Variants in HKDC1 observed in about 807,000 individuals in gnomAD.
HKDC1 encodes hexokinase domain containing 1.
In HKDC1, 66 loss-of-function variants were observed where a neutral mutation model predicts 96.6. That is an observed-to-expected ratio of 0.68 (90% CI 0.56 to 0.84). The LOEUF is 0.84. Ranked by LOEUF, HKDC1 falls within the 40% of genes least tolerant of loss-of-function variation. HKDC1 has a pLI of 0.00. For missense variants in HKDC1, 1,211 were observed against 1,208.1 expected, an observed-to-expected ratio of 1.00 and a Z score of -0.04; for synonymous variants, 466 against 473.1, an observed-to-expected ratio of 0.98 and a Z score of 0.20.
chr10:69,220,638 A>C, intron 1 of HKDC1, 140 bp downstream of exon 1: 1 of 548,770 alleles, frequency 1.8e-6, no homozygotes, highest in Non-Finnish European at 3.1e-6. Flanking sequence ...TAAAAGACTC[A>C]CTGAGGGAAG....
chr10:69,239,174 CCCTAG>C, intron 5 of HKDC1, 37 bp downstream of exon 5: 1 of 1,508,404 alleles, frequency 6.6e-7, no homozygotes, highest in Non-Finnish European at 9.2e-7. Flanking sequence ...GCTCTCCCAG[CCCTAG>C]CTCCTTTCTC....
At chr10:69,253,650 G>A (rs1203012732) in intron 12 of HKDC1, among the ~76,000 whole-genome samples, 2 of 152,200 alleles carry the variant, frequency 1.3e-5, no homozygotes, top group African/African-American at 4.8e-5. Context: ...CTAGCACCTG[G>A]CAGGCACTCA....
At position 69,248,598 on chromosome 10, in the gene HKDC1, C is replaced by A; in HGVS notation, c.1440C>A (p.Thr480=). Residue 480 remains threonine (T), a synonymous_variant, in exon 10 of 18, where the codon ACC becomes ACA. Coordinates refer to ENST00000354624, the MANE Select transcript of HKDC1 (RefSeq NM_025130.4). ...IDRVLALFQL[T]REQLVDVQAK... is the part of the protein sequence containing the mutation. ...GGGTGCTGGCTTTGTTCCAGCTGAC[C>A]CGAGAGCAGCTCGTGGACGTGCAGG... 6.2e-7 allele frequency: 1 copy of A among 1,614,132 alleles called. No individual in the cohort carries two copies. The highest frequency in any genetic ancestry group is 8.5e-7 in the Non-Finnish European group (1 of 1,180,026).
At chr10:69,228,034 G>GGC (rs1349491368) in intron 2 of HKDC1, among the ~76,000 whole-genome samples, 1 of 152,160 alleles carries the variant, frequency 6.6e-6, no homozygotes, top group Non-Finnish European at 1.5e-5. Flanking sequence ...CAATCACAGT[G>GGC]GCTGAAAACA....
intron 2 of HKDC1, among the ~76,000 whole-genome samples, chr10:69,232,152 C>T (rs1046562429): frequency 6.6e-6 from 1 of 152,192 alleles, no homozygotes; most frequent in African/African-American, 2.4e-5. Flanking sequence ...CCCCACCTTT[C>T]AATTAATGGC....
chr10:69,231,569 C>T (rs538965704), intron 2 of HKDC1, among the ~76,000 whole-genome samples: 25 of 152,312 alleles, frequency 1.6e-4, no homozygotes, highest in Admixed American at 4.6e-4. Context: ...AAGCCAGCTG[C>T]CTTTGTCTCC....
rs199510923 is a variant in HKDC1 at position 69,250,396 on chromosome 10, C to T, written c.1677C>T (p.Phe559=). The change falls in exon 11 of 18, where the codon TTC becomes TTT. Residue 559 remains phenylalanine, a synonymous_variant. Coordinates refer to ENST00000354624, the MANE Select transcript of HKDC1 (RefSeq NM_025130.4). ...RRSVRMYNKI[F]AIPLEIMQGT... is the part of the protein sequence containing the mutation. ...CAGTGCGAATGTACAACAAGATCTT[C>T]GCCATCCCCCTGGAGATCATGCAGG... 51 of 1,614,056 alleles carry T rather than the reference C, an allele frequency of 3.2e-5. No homozygotes were observed. The highest frequency in any genetic ancestry group is 5.5e-5 in the South Asian group (5 of 91,090).
chr10:69,266,478 A>AAAT, intron 17 of HKDC1, 132 bp from the exon 18 acceptor site: 1 of 942,794 alleles, frequency 1.1e-6, no homozygotes, highest in Non-Finnish European at 1.5e-6. Flanking sequence ...AAAAAAAAAA[A>AAAT]TTAGAAGAAG....
In HKDC1 at chr10:69,261,167, T is replaced by C. The variant is rs1421960552; in HGVS notation, c.2245T>C (p.Leu749=). The C allele has an allele frequency of 3.1e-6, 5 of 1,614,068 alleles. No individual in the cohort carries two copies. The African/African-American group carries it at 5.3e-5, about 17-fold the overall frequency. ...RYEKMTSGMY[L]GEIVRQILID... ...CGAGAAAATGACCAGTGGGATGTAC[T>C]TGGGGGAGATTGTGCGGCAGATCCT... Residue 749 remains leucine (L), a synonymous_variant, in exon 16 of 18, where the codon TTG becomes CTG. Coordinates refer to ENST00000354624, the MANE Select transcript of HKDC1 (RefSeq NM_025130.4).
intron 7 of HKDC1, among the ~76,000 whole-genome samples, chr10:69,245,106 A>G (rs1843520270): frequency 2.0e-5 from 3 of 151,980 alleles, no homozygotes; most frequent in Non-Finnish European, 4.4e-5. Flanking sequence ...GTTTCACCAT[A>G]TTGGCCAGGC....
At chr10:69,226,814 T>G (rs1260405748) in intron 1 of HKDC1, among the ~76,000 whole-genome samples, 1 of 152,174 alleles carries the variant, frequency 6.6e-6, no homozygotes, top group African/African-American at 2.4e-5. Flanking sequence ...TGTTTAGAAA[T>G]CTACGATTCA....
Position 69,266,776 on chromosome 10 carries a change from C to A in HKDC1, c.*19C>A. ...GAACTAGGAACCCCTGGGATTGGAC[C>A]TGATGCATCTTGGATACTGAACAGC... On this transcript the variant is annotated 3_prime_UTR_variant, in exon 18 of 18. Coordinates refer to ENST00000354624, the MANE Select transcript of HKDC1 (RefSeq NM_025130.4). 1 of 1,608,470 alleles carries A rather than the reference C, an allele frequency of 6.2e-7. No individual in the cohort carries two copies. Among genetic ancestry groups the A allele is most frequent in the Non-Finnish European group, 8.5e-7 (1 of 1,177,842 alleles).
Position 69,246,108 on chromosome 10 carries a change from TG to T in HKDC1, c.910del (p.Glu304SerfsTer8). On this transcript the variant is annotated frameshift_variant, in exon 8 of 18. Transcript: ENST00000354624. LOFTEE classifies it high-confidence loss of function. ...GAGAAGATGATCAGTGGCCTGTACCTGGGGGAGCTTGTCAGGCTTATCTTGC... is the reference window on the plus strand; with the variant it reads ...GAGAAGATGATCAGTGGCCTGTACCTGGGGAGCTTGTCAGGCTTATCTTGC... ...LFEKMISGLY[L>X]GELVRLILLK... 6.2e-7 allele frequency: 1 copy of T among 1,614,208 alleles called. No individual in the cohort carries two copies. Among genetic ancestry groups the T allele is most frequent in the Non-Finnish European group, 8.5e-7 (1 of 1,180,032 alleles).
In HKDC1 at chr10:69,232,771, G is replaced by C; in HGVS notation, c.234G>C (p.Gly78=). Residue 78 remains glycine, a synonymous_variant, in exon 3 of 18, where the codon GGG becomes GGC. Coordinates refer to ENST00000354624, the MANE Select transcript of HKDC1 (RefSeq NM_025130.4). ...GAATTTGTTTCTTAATAGAAAATGG[G>C]GAGTTCCTTTCCCTGGATCTCGGAG... ...VRAIPDGSEN[G]EFLSLDLGGS... The C allele has an allele frequency of 6.2e-7, 1 of 1,613,994 alleles. No homozygotes were observed.
In HKDC1 at chr10:69,227,220, T is replaced by C; in HGVS notation, c.77T>C (p.Leu26Pro). Residue 26 changes from leucine (L) to proline (P), a missense_variant, in exon 2 of 18, where the codon CTG becomes CCG. Transcript: ENST00000354624. Reference protein sequence around the residue: ...EDQIKKVDRFLYHMRLSDDTL... With the variant: ...EDQIKKVDRFPYHMRLSDDTL... Reference sequence around the variant, plus strand: ...TGTCTGTTCCAGGTGGACAGGTTCCTGTATCACATGCGGCTCTCCGATGAC... The same window carrying C: ...TGTCTGTTCCAGGTGGACAGGTTCCCGTATCACATGCGGCTCTCCGATGAC... 1 of 1,614,182 alleles carries C rather than the reference T, an allele frequency of 6.2e-7. No individual in the cohort carries two copies. The highest frequency in any genetic ancestry group is 1.1e-5 in the South Asian group (1 of 91,090).
At chr10:69,248,214 G>A (rs1843573564) in intron 9 of HKDC1, among the ~76,000 whole-genome samples, 1 of 87,500 alleles carries the variant, frequency 1.1e-5, no homozygotes, top group African/African-American at 4.7e-5. Context: ...GACAGAATAA[G>A]CACTTCCCCG....
chr10:69,263,915 C>T (rs895713294), intron 16 of HKDC1, among the ~76,000 whole-genome samples: 1 of 152,192 alleles, frequency 6.6e-6, no homozygotes, highest in African/African-American at 2.4e-5. Context: ...TGGCTCATGC[C>T]TGTAATCCCA....
At chr10:69,264,762 A>G (rs565529357) in intron 16 of HKDC1, among the ~76,000 whole-genome samples, 1 of 152,258 alleles carries the variant, frequency 6.6e-6, no homozygotes, top group South Asian at 2.1e-4. Context: ...GTTGTTTCTC[A>G]ATTGTCTTTC....
At chr10:69,258,223 G>A (rs1843749831) in intron 14 of HKDC1, among the ~76,000 whole-genome samples, 1 of 152,166 alleles carries the variant, frequency 6.6e-6, no homozygotes, top group Admixed American at 6.5e-5. Context: ...TCATCCGTGG[G>A]AGGGATTGGG....
Sources: gnomAD v4.1 joint callset for allele counts (sites outside exome capture counted in the v4.1 genomes callset) on GRCh38, gnomAD v4.1.1 for gene constraint, MANE v1.5 for transcripts, NCBI Gene and HGNC (gene_info 2026-07-23, HGNC 2026-07-21) for gene names.